Variants in SORCS3 observed in about 807,000 individuals in gnomAD.
SORCS3 encodes the protein sortilin related VPS10 domain containing receptor 3, also known as VPS10 domain-containing receptor SorCS3.
SORCS3 carries 57 observed loss-of-function variants against 146.3 expected under a neutral mutation model. The ratio of observed to expected loss-of-function variants is 0.39; its 90% confidence interval spans 0.31 to 0.49. The LOEUF (loss-of-function observed/expected upper bound fraction) is 0.49. Ranked by LOEUF, SORCS3 falls within the 20% of genes least tolerant of loss-of-function variation. The pLI is 0.92. For synonymous variants in SORCS3, 653 were observed against 618.5 expected (o/e 1.06, Z -0.83); for missense variants, 1,341 against 1,575.5 (o/e 0.85, Z 2.52).
chr10:105,174,183 T>C (rs894701007), intron 13 of SORCS3, among the ~76,000 whole-genome samples: 1 of 152,200 alleles, frequency 6.6e-6, no homozygotes, highest in African/African-American at 2.4e-5. Flanking sequence ...TTTATTTGAC[T>C]TTGATTCTGT....
At chr10:104,814,046 T>G (rs1158337913) in intron 1 of SORCS3, among the ~76,000 whole-genome samples, 3 of 151,886 alleles carry the variant, frequency 2.0e-5, no homozygotes, top group Non-Finnish European at 4.4e-5. Flanking sequence ...TCGTATATGT[T>G]CTCTCATCTC....
At chr10:105,184,086 C>G (rs993931915) in intron 14 of SORCS3, among the ~76,000 whole-genome samples, 1 of 152,180 alleles carries the variant, frequency 6.6e-6, no homozygotes, top group African/African-American at 2.4e-5. Context: ...ATCTAATGAT[C>G]AAGAAACAGG....
intron 2 of SORCS3, among the ~76,000 whole-genome samples, chr10:104,881,160 C>G (rs2018626541): frequency 6.6e-6 from 1 of 152,182 alleles, no homozygotes; most frequent in South Asian, 2.1e-4. Context: ...CATACTGGTT[C>G]CACTGATCAT....
chr10:105,200,179 G>C, intron 15 of SORCS3, 63 bp downstream of exon 15: 1 of 1,286,912 alleles, frequency 7.8e-7, no homozygotes, highest in Admixed American at 1.8e-5. Context: ...AAGTCCGACT[G>C]GGTCTTATCT....
At chr10:104,767,014 C>A (rs950410685) in intron 1 of SORCS3, among the ~76,000 whole-genome samples, 1 of 152,142 alleles carries the variant, frequency 6.6e-6, no homozygotes, top group Non-Finnish European at 1.5e-5. Flanking sequence ...TTTTAGGTTT[C>A]TAATGTTTCA....
intron 8 of SORCS3, among the ~76,000 whole-genome samples, chr10:105,141,261 G>T (rs1016334109): frequency 1.3e-5 from 2 of 152,056 alleles, no homozygotes; most frequent in Non-Finnish European, 2.9e-5. Flanking sequence ...AATGCCATCC[G>T]CTTAGTCCCT....
chr10:104,960,043 T>C (rs2054784916), intron 3 of SORCS3, among the ~76,000 whole-genome samples: 2 of 152,150 alleles, frequency 1.3e-5, no homozygotes, highest in Non-Finnish European at 2.9e-5. Flanking sequence ...TCTGCGTTGA[T>C]CACATCTAGC....
chr10:104,676,158 G>A (rs1437184823), intron 1 of SORCS3, among the ~76,000 whole-genome samples: 3 of 152,108 alleles, frequency 2.0e-5, no homozygotes, highest in Admixed American at 2.0e-4. Flanking sequence ...TGTGAACAAA[G>A]GTGTTTTGTG....
At chr10:105,097,956 A>G (rs1013117190) in intron 6 of SORCS3, among the ~76,000 whole-genome samples, 16 of 152,216 alleles carry the variant, frequency 1.1e-4, no homozygotes, top group Admixed American at 4.6e-4. Context: ...TTTTCTTCTC[A>G]TCATCATCCC....
At position 104,900,259 on chromosome 10, in the gene SORCS3, C is replaced by T. The variant is rs79250064; in HGVS notation, c.696-15574C>T. ...AGTGATAACAGAATTCTCTCAGGCACTCAGGTTTGGTATCTTTAAGATATC... is the reference window on the plus strand; with the variant it reads ...AGTGATAACAGAATTCTCTCAGGCATTCAGGTTTGGTATCTTTAAGATATC... On this transcript the variant is annotated intron_variant, in intron 2 of 26. Transcript: ENST00000369701. Among the ~76,000 whole-genome samples the T allele has an allele frequency of 5.8e-3, 890 of 152,272 alleles. 6 individuals are homozygous for T. The highest frequency in any genetic ancestry group is 0.02 in the African/African-American group (851 of 41,542).
At chr10:104,958,442 A>C (rs1358147282) in intron 3 of SORCS3, among the ~76,000 whole-genome samples, 2 of 152,186 alleles carry the variant, frequency 1.3e-5, no homozygotes, top group Admixed American at 6.6e-5. Context: ...AAAGTTCTAG[A>C]TTGAATTAAG....
At chr10:105,132,351 T>C (rs1417157505) in intron 7 of SORCS3, among the ~76,000 whole-genome samples, 1 of 152,176 alleles carries the variant, frequency 6.6e-6, no homozygotes, top group Admixed American at 6.6e-5. Flanking sequence ...TTAAATAATA[T>C]CATGAAAGTA....
chr10:104,981,690 T>C (rs758904608), intron 4 of SORCS3, among the ~76,000 whole-genome samples: 7 of 152,218 alleles, frequency 4.6e-5, no homozygotes, highest in Non-Finnish European at 8.8e-5. Flanking sequence ...ACATTCCTCA[T>C]TTTGACAAGA....
chr10:104,723,993 G>T (rs965831749), intron 1 of SORCS3, among the ~76,000 whole-genome samples: 8 of 152,232 alleles, frequency 5.3e-5, no homozygotes, highest in African/African-American at 1.2e-4. Context: ...TTAATATTGT[G>T]ATGTGTGAAT....
chr10:105,062,450 G>T (rs144561728), intron 5 of SORCS3, among the ~76,000 whole-genome samples: 7 of 152,340 alleles, frequency 4.6e-5, no homozygotes, highest in Admixed American at 2.0e-4. Context: ...GAGCTAGAAA[G>T]TGGGAGAACT....
At chr10:105,140,695 G>A (rs1355638961) in intron 8 of SORCS3, among the ~76,000 whole-genome samples, 1 of 152,188 alleles carries the variant, frequency 6.6e-6, no homozygotes, top group African/African-American at 2.4e-5. Context: ...TTAAGAGACA[G>A]CACCGTTCAT....
At chr10:104,912,439 C>T (rs991858779) in intron 2 of SORCS3, among the ~76,000 whole-genome samples, 1 of 152,202 alleles carries the variant, frequency 6.6e-6, no homozygotes, top group Non-Finnish European at 1.5e-5. Flanking sequence ...TGTCATTTAA[C>T]CGTAATTCTA....
chr10:104,735,600 C>T (rs956501111), intron 1 of SORCS3, among the ~76,000 whole-genome samples: 1 of 151,844 alleles, frequency 6.6e-6, no homozygotes, highest in East Asian at 1.9e-4. Flanking sequence ...AGACAGAGCC[C>T]TTGGCTCCCT....
chr10:104,837,366 AT>A (rs1016073682), intron 1 of SORCS3, among the ~76,000 whole-genome samples: 4 of 152,166 alleles, frequency 2.6e-5, no homozygotes, highest in Non-Finnish European at 5.9e-5. Flanking sequence ...CATAAATGTA[AT>A]TTTCCAGCTA....
Sources: gnomAD v4.1 joint callset for allele counts (sites outside exome capture counted in the v4.1 genomes callset) on GRCh38, gnomAD v4.1.1 for gene constraint, MANE v1.5 for transcripts, NCBI Gene and HGNC (gene_info 2026-07-23, HGNC 2026-07-21) for gene names.